ARRB1: variants seen among roughly 807,000 people sequenced by gnomAD.
ARRB1 encodes beta-arrestin-1.
Under a neutral mutation model 56.8 loss-of-function variants are expected in ARRB1, and 21 were observed. That is an observed-to-expected ratio of 0.37 (90% CI 0.26 to 0.53). ARRB1 has a LOEUF of 0.53. Ranked by LOEUF, ARRB1 falls within the 20% of genes least tolerant of loss-of-function variation. The pLI is 0.88. For missense variants in ARRB1, 424 were observed against 553.7 expected (o/e 0.77, Z 2.35); for synonymous variants, 210 against 218.6 (o/e 0.96, Z 0.35).
intron 13 of ARRB1, among the ~76,000 whole-genome samples, chr11:75,270,345 T>G (rs1227133235): frequency 1.3e-5 from 2 of 150,796 alleles, no homozygotes; most frequent in Admixed American, 6.6e-5. Context: ...AATACAAAAA[T>G]TAGGCTGGGC....
intron 1 of ARRB1, among the ~76,000 whole-genome samples, chr11:75,292,224 C>G (rs1946627005): frequency 6.6e-6 from 1 of 152,126 alleles, no homozygotes; most frequent in African/African-American, 2.4e-5. Flanking sequence ...ACTGCAACCT[C>G]CATCCCCCAG....
intron 1 of ARRB1, among the ~76,000 whole-genome samples, chr11:75,315,046 CTGCTTCCACCACCACCACCACCA>C (rs1947242218): frequency 6.6e-6 from 1 of 152,190 alleles, no homozygotes; most frequent in South Asian, 2.1e-4. Context: ...CCAGTTAGTG[CTGCTTCCACCACCACCACCACCA>C]CCCCACGCTG....
intron 1 of ARRB1, among the ~76,000 whole-genome samples, chr11:75,336,909 C>T (rs1040312160): frequency 2.0e-5 from 3 of 152,186 alleles, no homozygotes; most frequent in Non-Finnish European, 2.9e-5. Context: ...GTCAGAGTTA[C>T]AAGTGACCTG....
At chr11:75,291,432 A>G (rs1225660187) in intron 1 of ARRB1, among the ~76,000 whole-genome samples, 5 of 152,236 alleles carry the variant, frequency 3.3e-5, no homozygotes, top group Non-Finnish European at 2.9e-5. Context: ...GAAGGAATCA[A>G]CTGCCTTACT....
At chr11:75,301,168 G>T (rs1946896659) in intron 1 of ARRB1, among the ~76,000 whole-genome samples, 1 of 151,944 alleles carries the variant, frequency 6.6e-6, no homozygotes, top group African/African-American at 2.4e-5. Flanking sequence ...GCCTTCAAGG[G>T]AGGAGGTAGC....
At chr11:75,322,736 G>A (rs990947056) in intron 1 of ARRB1, among the ~76,000 whole-genome samples, 1 of 152,160 alleles carries the variant, frequency 6.6e-6, no homozygotes. Flanking sequence ...GTTCACTTTG[G>A]CTGCTGGGAG....
intron 1 of ARRB1, among the ~76,000 whole-genome samples, chr11:75,301,788 C>T (rs1195624162): frequency 2.6e-5 from 4 of 152,164 alleles, no homozygotes; most frequent in Admixed American, 1.3e-4. Context: ...TGTGTACCGG[C>T]TCGTCTGCTC....
chr11:75,342,801 G>A (rs1591993037), intron 1 of ARRB1, among the ~76,000 whole-genome samples: 1 of 152,196 alleles, frequency 6.6e-6, no homozygotes, highest in Admixed American at 6.5e-5. Flanking sequence ...GGCGCAGCAG[G>A]AACAAAGGCC....
chr11:75,292,585 C>T (rs535281159), intron 1 of ARRB1, among the ~76,000 whole-genome samples: 1 of 152,274 alleles, frequency 6.6e-6, no homozygotes, highest in East Asian at 1.9e-4. Context: ...GCAGAGAAGA[C>T]CAGAGAAGTG....
At chr11:75,279,957 C>T (rs1335222118) in intron 7 of ARRB1, among the ~76,000 whole-genome samples, 1 of 152,194 alleles carries the variant, frequency 6.6e-6, no homozygotes, top group Non-Finnish European at 1.5e-5. Flanking sequence ...GTGTGAGCCA[C>T]CACGCCCAGC....
At chr11:75,321,133 C>T (rs1257979679) in intron 1 of ARRB1, among the ~76,000 whole-genome samples, 2 of 152,192 alleles carry the variant, frequency 1.3e-5, no homozygotes, top group African/African-American at 4.8e-5. Context: ...TCCTGCCCTC[C>T]TTCCTTTCAG....
chr11:75,291,385 A>G (rs1423966793), intron 1 of ARRB1, among the ~76,000 whole-genome samples: 1 of 152,174 alleles, frequency 6.6e-6, no homozygotes, highest in Non-Finnish European at 1.5e-5. Flanking sequence ...CACTCAATAA[A>G]CATTAGTTGA....
At chr11:75,280,258 AG>A (rs1946296168) in intron 7 of ARRB1, among the ~76,000 whole-genome samples, 1 of 152,128 alleles carries the variant, frequency 6.6e-6, no homozygotes, top group South Asian at 2.1e-4. Context: ...CAGAGAAGCA[AG>A]GGAGAAAAGT....
At chr11:75,339,954 TG>T (rs527541074) in intron 1 of ARRB1, among the ~76,000 whole-genome samples, 18 of 152,186 alleles carry the variant, frequency 1.2e-4, no homozygotes, top group African/African-American at 4.3e-4. Context: ...ACCCAGAACC[TG>T]GGAAGGCCAG....
At chr11:75,317,439 C>A (rs1300959560) in intron 1 of ARRB1, among the ~76,000 whole-genome samples, 2 of 152,170 alleles carry the variant, frequency 1.3e-5, no homozygotes, top group African/African-American at 4.8e-5. Context: ...TCCTCACCCC[C>A]ACACCCGGTT....
At chr11:75,312,430 AG>A (rs1947182270) in intron 1 of ARRB1, among the ~76,000 whole-genome samples, 1 of 152,332 alleles carries the variant, frequency 6.6e-6, no homozygotes, top group East Asian at 1.9e-4. Context: ...CAAAGGCCCC[AG>A]GAGAGGAGAA....
intron 1 of ARRB1, among the ~76,000 whole-genome samples, chr11:75,337,823 G>A (rs1428540249): frequency 2.3e-5 from 3 of 129,066 alleles, no homozygotes; most frequent in African/African-American, 8.8e-5. Context: ...TTTTTGAGAC[G>A]GAGATTCACT....
chr11:75,285,191 G>C (rs905580707), intron 3 of ARRB1, among the ~76,000 whole-genome samples: 2 of 152,204 alleles, frequency 1.3e-5, no homozygotes, highest in East Asian at 3.9e-4. Context: ...CTCCCTCATG[G>C]GGCTCCCGTG....
chr11:75,291,871 C>G (rs1946619194), intron 1 of ARRB1, among the ~76,000 whole-genome samples: 2 of 152,208 alleles, frequency 1.3e-5, no homozygotes, highest in South Asian at 4.1e-4. Flanking sequence ...CCCAGGAGCA[C>G]AGGGTCCAGT....
Sources: gnomAD v4.1 joint callset for allele counts (sites outside exome capture counted in the v4.1 genomes callset) on GRCh38, gnomAD v4.1.1 for gene constraint, MANE v1.5 for transcripts, NCBI Gene and HGNC (gene_info 2026-07-23, HGNC 2026-07-21) for gene names.